CCDC171: variants seen among roughly 807,000 people sequenced by gnomAD.
The protein encoded by CCDC171 is coiled-coil domain containing 171.
CCDC171 carries 177 observed loss-of-function variants against 168.2 expected under a neutral mutation model. The observed-to-expected ratio is 1.05, with a 90% CI of 0.93 to 1.19. The LOEUF (loss-of-function observed/expected upper bound fraction) is 1.19, where lower values mean the gene tolerates loss of function less well. Among genes scored for constraint, CCDC171 ranks in the 50% most tolerant of loss-of-function variants. CCDC171 has a pLI of 0.00. For synonymous variants in CCDC171, 687 were observed against 540.8 expected (o/e 1.27, Z -3.75); for missense variants, 1,991 against 1,539.0 (o/e 1.29, Z -4.91).
chr9:15,777,959 T>A, intron 19 of CCDC171, 133 bp downstream of exon 19: 2 of 611,236 alleles, frequency 3.3e-6, no homozygotes, highest in Non-Finnish European at 5.3e-6. Flanking sequence ...TGTAAAATTT[T>A]AATACACTAA....
intron 23 of CCDC171, among the ~76,000 whole-genome samples, chr9:15,860,090 T>G (rs1039480413): frequency 6.6e-6 from 1 of 151,850 alleles, no homozygotes; most frequent in Non-Finnish European, 1.5e-5. Context: ...CATAGTAGTC[T>G]CTCATGATTC....
At chr9:15,954,756 CT>C (rs1005480661) in intron 25 of CCDC171, among the ~76,000 whole-genome samples, 1 of 151,326 alleles carries the variant, frequency 6.6e-6, no homozygotes, top group African/African-American at 2.4e-5. Context: ...TCCAGAATTT[CT>C]TTTTTTGTTG....
intron 5 of CCDC171, among the ~76,000 whole-genome samples, 162 bp from the exon 6 acceptor site, chr9:15,593,879 A>T (rs535368167): frequency 5.2e-4 from 79 of 152,198 alleles, no homozygotes; most frequent in Admixed American, 5.2e-3. Flanking sequence ...TCAGATCTAC[A>T]TTCTATTGAT....
chr9:15,766,383 A>G (rs2056725162), intron 18 of CCDC171, among the ~76,000 whole-genome samples: 1 of 152,010 alleles, frequency 6.6e-6, no homozygotes, highest in Admixed American at 6.5e-5. Context: ...AGCTGGGATT[A>G]TAGATGTATA....
chr9:15,963,616 A>G (rs917210902), intron 25 of CCDC171, among the ~76,000 whole-genome samples: 3 of 152,192 alleles, frequency 2.0e-5, no homozygotes, highest in East Asian at 3.9e-4. Context: ...CCCATTTGAT[A>G]TATGAAAAGT....
At chr9:15,951,037 A>G (rs1199796665) in intron 25 of CCDC171, among the ~76,000 whole-genome samples, 2 of 149,722 alleles carry the variant, frequency 1.3e-5, no homozygotes, top group Non-Finnish European at 3.0e-5. Flanking sequence ...AGGCCATTAC[A>G]TAATGGTAAA....
At chr9:15,674,491 G>A (rs904750377) in intron 9 of CCDC171, among the ~76,000 whole-genome samples, 7 of 151,992 alleles carry the variant, frequency 4.6e-5, no homozygotes, top group Non-Finnish European at 5.9e-5. Flanking sequence ...TCTCTTGTGG[G>A]CATTTAGTGC....
At chr9:15,883,644 G>A (rs548226731) in intron 24 of CCDC171, among the ~76,000 whole-genome samples, 10 of 152,222 alleles carry the variant, frequency 6.6e-5, no homozygotes, top group Non-Finnish European at 1.2e-4. Context: ...GCAAGTAATT[G>A]CATCCGTGTA....
chr9:15,955,791 T>C (rs1829740906), intron 25 of CCDC171, among the ~76,000 whole-genome samples: 1 of 152,146 alleles, frequency 6.6e-6, no homozygotes, highest in Non-Finnish European at 1.5e-5. Context: ...ACATTTTTAA[T>C]AAGATGTGAT....
intron 7 of CCDC171, among the ~76,000 whole-genome samples, chr9:15,643,551 T>C (rs1464514046): frequency 6.6e-6 from 1 of 152,202 alleles, no homozygotes; most frequent in Non-Finnish European, 1.5e-5. Flanking sequence ...AGGGATTCTT[T>C]ATTTTTCAAT....
intron 6 of CCDC171, among the ~76,000 whole-genome samples, chr9:15,601,684 C>T (rs1417823992): frequency 2.0e-5 from 3 of 152,064 alleles, no homozygotes; most frequent in Non-Finnish European, 4.4e-5. Context: ...GCTGTAGTGC[C>T]ACAGAAGAGA....
rs184865292 is a variant in CCDC171, at chr9:15,966,326, A to G, written c.3754-5283A>G. Among the ~76,000 whole-genome samples, 453 of 152,298 alleles carry G rather than the reference A, an allele frequency of 3.0e-3. 13 individuals carry two copies. Among genetic ancestry groups the G allele is most frequent in the Admixed American group, 0.028 (430 of 15,288 alleles). On this transcript the variant is annotated intron_variant, in intron 25 of 25. Coordinates refer to ENST00000380701, the MANE Select transcript of CCDC171 (RefSeq NM_173550.4). ...TTGGACAGACTGGAGGGTGATGTGA[A>G]CTATGGAATGTCCTATTTAGGGACT... is the stretch of plus-strand genomic sequence containing the variant.
chr9:15,654,526 GT>G (rs1554736487), intron 7 of CCDC171, among the ~76,000 whole-genome samples: 1 of 152,188 alleles, frequency 6.6e-6, no homozygotes, highest in Non-Finnish European at 1.5e-5. Context: ...TGCTTGATTA[GT>G]TTGTGGATTA....
upstream of CCDC171, among the ~76,000 whole-genome samples, chr9:16,040,340 C>G (rs1833553215): frequency 6.6e-6 from 1 of 152,176 alleles, no homozygotes; most frequent in Non-Finnish European, 1.5e-5. Flanking sequence ...GGACTGTCAT[C>G]TAGAAGGTGG....
At chr9:15,591,219 G>A in intron 4 of CCDC171, 147 bp from the exon 5 acceptor site, 1 of 537,258 alleles carries the variant, frequency 1.9e-6, no homozygotes, top group South Asian at 2.8e-5. Flanking sequence ...GAATGGAAAG[G>A]TTTTCAAGAG....
At chr9:15,894,863 C>G (rs1288665910) in intron 24 of CCDC171, among the ~76,000 whole-genome samples, 1 of 152,234 alleles carries the variant, frequency 6.6e-6, no homozygotes, top group Middle Eastern at 3.4e-3. Flanking sequence ...TGGCTGTTAT[C>G]TATTTGTCAC....
chr9:15,757,358 C>T (rs1294804693), intron 18 of CCDC171, among the ~76,000 whole-genome samples: 1 of 152,162 alleles, frequency 6.6e-6, no homozygotes, highest in South Asian at 2.1e-4. Flanking sequence ...AATAGACTGG[C>T]GGTGTTTTGC....
chr9:15,769,295 C>T (rs1211083690), intron 18 of CCDC171, among the ~76,000 whole-genome samples: 1 of 152,066 alleles, frequency 6.6e-6, no homozygotes, highest in Non-Finnish European at 1.5e-5. Context: ...TTTAAGTTGA[C>T]AGAGAGAGAG....
intron 10 of CCDC171, among the ~76,000 whole-genome samples, chr9:15,679,307 C>G (rs1027534310): frequency 1.3e-5 from 2 of 152,146 alleles, no homozygotes; most frequent in African/African-American, 4.8e-5. Flanking sequence ...CTAGCTTTTA[C>G]ACCATCACCA....
Sources: allele counts gnomAD v4.1 joint callset (sites outside exome capture counted in the v4.1 genomes callset), GRCh38; gene constraint gnomAD v4.1.1; transcripts MANE v1.5; gene names NCBI Gene and HGNC (gene_info 2026-07-23, HGNC 2026-07-21).